TENM3: variants seen among roughly 807,000 people sequenced by gnomAD.
TENM3 encodes teneurin transmembrane protein 3.
Under a neutral mutation model 255.1 loss-of-function variants are expected in TENM3, and 63 were observed. The observed-to-expected ratio is 0.25, with a 90% CI of 0.20 to 0.30. The LOEUF (loss-of-function observed/expected upper bound fraction) is 0.30. Ranked by LOEUF, TENM3 falls within the 10% of genes least tolerant of loss-of-function variation. TENM3 has a pLI of 1.00. For synonymous variants in TENM3, 1,306 were observed against 1,322.3 expected (o/e 0.99, Z 0.27); for missense variants, 2,929 against 3,461.1 (o/e 0.85, Z 3.86).
chr4:182,589,435 T>C (rs1746370835), intron 3 of TENM3, among the ~76,000 whole-genome samples: 1 of 144,670 alleles, frequency 6.9e-6, no homozygotes, highest in South Asian at 2.2e-4. Flanking sequence ...TGTCTAATTC[T>C]TAGGTTTTTA....
intron 4 of TENM3, among the ~76,000 whole-genome samples, chr4:182,606,208 A>G (rs1037974942): frequency 3.9e-5 from 6 of 152,212 alleles, no homozygotes; most frequent in African/African-American, 1.4e-4. Flanking sequence ...TCAAGAGAAC[A>G]CTTATCACAA....
intron 11 of TENM3, among the ~76,000 whole-genome samples, chr4:182,683,729 T>C (rs1043638880): frequency 6.6e-6 from 1 of 152,144 alleles, no homozygotes; most frequent in African/African-American, 2.4e-5. Flanking sequence ...AGTATTGTTT[T>C]TGGAAAACTG....
chr4:182,649,013 G>T (rs1331253229), intron 5 of TENM3, among the ~76,000 whole-genome samples: 1 of 152,074 alleles, frequency 6.6e-6, no homozygotes, highest in Non-Finnish European at 1.5e-5. Context: ...CCAGTTTGGG[G>T]CTATTACAAA....
In TENM3 at chr4:182,801,230, T is replaced by C. The variant is rs190711598; in HGVS notation, c.*879T>C. 1.3e-5 allele frequency: 2 copies of C among 152,738 alleles called. No individual in the cohort carries two copies. The highest frequency in any genetic ancestry group is 4.8e-5 in the African/African-American group (2 of 41,576). The allele number at this position is 152,738 out of a possible 1,614,324, so 9.5% of individuals were successfully genotyped here. The stretch of plus-strand genomic sequence containing the variant: ...GAGATATAACAACTTATGCCTATAA[T>C]GTCCAGAAGTGTTAATATTTTTGTA... On this transcript the variant is annotated 3_prime_UTR_variant, in exon 28 of 28. Coordinates refer to ENST00000511685, the MANE Select transcript of TENM3 (RefSeq NM_001080477.4).
intron 1 of TENM3, among the ~76,000 whole-genome samples, chr4:182,266,259 A>G (rs1053518213): frequency 6.6e-6 from 1 of 152,262 alleles, no homozygotes; most frequent in African/African-American, 2.4e-5. Context: ...CCTGCAAGGT[A>G]TGTAAAGAAA....
the TENM3 span, among the ~76,000 whole-genome samples, chr4:181,466,126 T>TTC: frequency 6.8e-6 from 1 of 147,322 alleles, no homozygotes; most frequent in Non-Finnish European, 1.5e-5. Context: ...TTTTTTGTTT[T>TTC]GTTTTTTTGA....
chr4:181,913,362 C>A, the TENM3 span, among the ~76,000 whole-genome samples: 1 of 152,206 alleles, frequency 6.6e-6, no homozygotes, highest in South Asian at 2.1e-4. Context: ...AGCACTCAGG[C>A]AAAAATTTTC....
chr4:181,697,446 T>C, the TENM3 span, among the ~76,000 whole-genome samples: 2 of 152,186 alleles, frequency 1.3e-5, no homozygotes, highest in African/African-American at 4.8e-5. Context: ...CAGGCTGGAG[T>C]GCAGTGGCGT....
chr4:181,983,909 C>T, the TENM3 span, among the ~76,000 whole-genome samples: 3 of 152,038 alleles, frequency 2.0e-5, no homozygotes, highest in Non-Finnish European at 2.9e-5. Context: ...AAAACCTGAT[C>T]GGATGCCTCC....
At chr4:182,505,168 G>T (rs550286119) in intron 3 of TENM3, among the ~76,000 whole-genome samples, 45 of 152,124 alleles carry the variant, frequency 3.0e-4, no homozygotes, top group African/African-American at 1.1e-3. Context: ...CATTACAATG[G>T]TCTTATGATT....
intron 19 of TENM3, among the ~76,000 whole-genome samples, chr4:182,743,948 C>T (rs1761796774): frequency 6.6e-6 from 1 of 152,084 alleles, no homozygotes. Context: ...TCAAATCATT[C>T]TATTCTGTAA....
chr4:182,688,023 C>A, intron 11 of TENM3, 143 bp from the exon 12 acceptor site: 1 of 716,920 alleles, frequency 1.4e-6, no homozygotes, highest in Non-Finnish European at 2.2e-6. Flanking sequence ...ATTTACGTAG[C>A]ATACAAATAC....
chr4:181,706,700 C>A, the TENM3 span, among the ~76,000 whole-genome samples: 2 of 152,158 alleles, frequency 1.3e-5, no homozygotes, highest in Admixed American at 6.5e-5. Context: ...GACCTCACTG[C>A]GCTGTGAGAA....
Position 182,244,196 on chromosome 4 carries a change from G to A in TENM3, c.-76+720G>A, listed in dbSNP as rs573186514. Among the ~76,000 whole-genome samples the A allele has an allele frequency of 4.5e-3, 677 of 150,530 alleles. 8 individuals are homozygous for A. Among genetic ancestry groups the A allele is most frequent in the African/African-American group, 0.016 (637 of 41,042 alleles). On this transcript the variant is annotated intron_variant, in intron 1 of 27. Transcript: ENST00000511685. ...TCTCGATCTCCTGACCTCGTGATCC[G>A]CCCGCCTCGGCCTCCCAAAGTGCTG...
intron 5 of TENM3, among the ~76,000 whole-genome samples, chr4:182,645,996 TG>T (rs1276247112): frequency 6.6e-6 from 1 of 152,186 alleles, no homozygotes; most frequent in African/African-American, 2.4e-5. Flanking sequence ...GGTTTATTTT[TG>T]CTTAAGCTAC....
the TENM3 span, among the ~76,000 whole-genome samples, chr4:181,504,823 T>C: frequency 2.0e-5 from 3 of 152,090 alleles, no homozygotes; most frequent in Admixed American, 2.0e-4. Context: ...ATCAAGACAA[T>C]CCCCGAAGTA....
At chr4:181,506,135 C>T in the TENM3 span, among the ~76,000 whole-genome samples, 1 of 152,132 alleles carries the variant, frequency 6.6e-6, no homozygotes, top group African/African-American at 2.4e-5. Flanking sequence ...CAAATATACT[C>T]TGCAAATAAT....
At chr4:182,269,646 G>T (rs149383797) in intron 1 of TENM3, among the ~76,000 whole-genome samples, 183 of 152,124 alleles carry the variant, frequency 1.2e-3, no homozygotes, top group African/African-American at 4.3e-3. Flanking sequence ...TCCTTGGAAA[G>T]TAAGATTGGA....
intron 1 of TENM3, among the ~76,000 whole-genome samples, chr4:182,213,870 C>G (rs899302278): frequency 6.6e-6 from 1 of 152,078 alleles, no homozygotes. Flanking sequence ...GGCGCGATCT[C>G]GGCTCACTGC....
Sources: gnomAD v4.1 joint callset for allele counts (sites outside exome capture counted in the v4.1 genomes callset) on GRCh38, gnomAD v4.1.1 for gene constraint, MANE v1.5 for transcripts, NCBI Gene and HGNC (gene_info 2026-07-23, HGNC 2026-07-21) for gene names.